DPP10: variants seen among roughly 807,000 people sequenced by gnomAD.
DPP10 encodes dipeptidyl peptidase like 10.
DPP10 carries 33 observed loss-of-function variants against 120.9 expected under a neutral mutation model. That is an observed-to-expected ratio of 0.27 (90% CI 0.21 to 0.37). DPP10 has a LOEUF of 0.37. DPP10 is among the 10% of genes least tolerant of loss of function. The pLI is 1.00. For missense variants in DPP10, 816 were observed against 942.8 expected (o/e 0.87, Z 1.76); for synonymous variants, 337 against 326.1 (o/e 1.03, Z -0.36).
intron 1 of DPP10, among the ~76,000 whole-genome samples, chr2:114,497,509 T>G (rs1682782702): frequency 6.6e-6 from 1 of 150,658 alleles, no homozygotes; most frequent in Non-Finnish European, 1.5e-5. Context: ...ACTAGAATGA[T>G]GAGTATGATT....
At chr2:115,154,186 G>T (rs932782073) in intron 1 of DPP10, among the ~76,000 whole-genome samples, 1 of 152,014 alleles carries the variant, frequency 6.6e-6, no homozygotes, top group Non-Finnish European at 1.5e-5. Context: ...TCAGCATTTT[G>T]CCCATTATAG....
chr2:115,263,570 A>G (rs906621514), intron 1 of DPP10, among the ~76,000 whole-genome samples: 3 of 151,704 alleles, frequency 2.0e-5, no homozygotes, highest in African/African-American at 4.8e-5. Flanking sequence ...ATGGTCCTCT[A>G]TAGAATATGT....
At chr2:115,830,588 T>C (rs1688819860) in intron 21 of DPP10, among the ~76,000 whole-genome samples, 1 of 152,154 alleles carries the variant, frequency 6.6e-6, no homozygotes, top group South Asian at 2.1e-4. Flanking sequence ...TTTAGTTCAG[T>C]AAGGAGAGCT....
intron 1 of DPP10, among the ~76,000 whole-genome samples, chr2:114,945,873 A>G (rs1052259458): frequency 6.6e-6 from 1 of 152,124 alleles, no homozygotes; most frequent in Non-Finnish European, 1.5e-5. Context: ...GAAACCTCAT[A>G]AACATTAACT....
chr2:114,614,165 C>G (rs1470492172), intron 1 of DPP10, among the ~76,000 whole-genome samples: 1 of 152,126 alleles, frequency 6.6e-6, no homozygotes, highest in Non-Finnish European at 1.5e-5. Context: ...CTTTGCCTCC[C>G]TAACACAATT....
chr2:115,633,512 A>G (rs989578188), intron 5 of DPP10, among the ~76,000 whole-genome samples: 18 of 152,116 alleles, frequency 1.2e-4, no homozygotes, highest in African/African-American at 4.1e-4. Flanking sequence ...GCACACCAAC[A>G]TGGCACATGT....
intron 1 of DPP10, among the ~76,000 whole-genome samples, chr2:114,700,866 A>G (rs1217252667): frequency 6.6e-6 from 1 of 152,072 alleles, no homozygotes; most frequent in Non-Finnish European, 1.5e-5. Flanking sequence ...ATTTACACAC[A>G]GGATTTGTGC....
intron 1 of DPP10, among the ~76,000 whole-genome samples, chr2:115,222,335 T>C (rs1029495276): frequency 6.6e-6 from 1 of 152,162 alleles, no homozygotes; most frequent in Non-Finnish European, 1.5e-5. Context: ...GAATCATAAT[T>C]GATATGATTT....
intron 4 of DPP10, among the ~76,000 whole-genome samples, chr2:115,506,903 A>G (rs2076973247): frequency 6.6e-6 from 1 of 152,138 alleles, no homozygotes; most frequent in Non-Finnish European, 1.5e-5. Context: ...TGTTTTTAAC[A>G]TATTTTAAAT....
intron 3 of DPP10, among the ~76,000 whole-genome samples, chr2:115,369,619 A>G (rs2065281159): frequency 6.6e-6 from 1 of 152,068 alleles, no homozygotes; most frequent in Non-Finnish European, 1.5e-5. Context: ...TAAGACAAGA[A>G]GTATAACAGC....
At chr2:115,439,439 C>G (rs1358742292) in intron 3 of DPP10, among the ~76,000 whole-genome samples, 2 of 152,190 alleles carry the variant, frequency 1.3e-5, no homozygotes, top group Non-Finnish European at 2.9e-5. Context: ...CACCACTGAA[C>G]TGTACACTTA....
intron 1 of DPP10, among the ~76,000 whole-genome samples, chr2:115,083,790 T>C (rs900771685): frequency 2.0e-5 from 3 of 152,210 alleles, no homozygotes; most frequent in Admixed American, 6.5e-5. Flanking sequence ...AAGATTTTCA[T>C]GGTAGCATCC....
At chr2:115,279,172 A>G (rs7593414) in intron 1 of DPP10, among the ~76,000 whole-genome samples, 62,091 of 152,080 alleles carry the variant, frequency 0.41, 15,443 homozygotes, top group Non-Finnish European at 0.56. Context: ...TGGCTCATGG[A>G]CATCATTGAT....
At chr2:115,271,603 A>G (rs1257475699) in intron 1 of DPP10, among the ~76,000 whole-genome samples, 3 of 152,184 alleles carry the variant, frequency 2.0e-5, no homozygotes. Flanking sequence ...ATGTCTTTTG[A>G]AAATATTTAT....
At chr2:115,113,342 A>G (rs2049328616) in intron 1 of DPP10, among the ~76,000 whole-genome samples, 1 of 151,916 alleles carries the variant, frequency 6.6e-6, no homozygotes, top group African/African-American at 2.4e-5. Context: ...AAATGTTCCA[A>G]ATGGTTCTTT....
At chr2:115,829,965 A>G (rs1056652430) in intron 21 of DPP10, among the ~76,000 whole-genome samples, 2 of 152,104 alleles carry the variant, frequency 1.3e-5, no homozygotes, top group African/African-American at 2.4e-5. Flanking sequence ...CTCATTTAAT[A>G]TATAATAATT....
intron 1 of DPP10, among the ~76,000 whole-genome samples, chr2:114,684,840 T>A (rs116283226): frequency 6.6e-6 from 1 of 151,960 alleles, no homozygotes; most frequent in East Asian, 1.9e-4. Context: ...AGGTCTGAAT[T>A]CTGTTTTCAG....
chr2:114,809,316 C>T (rs1684992841), intron 1 of DPP10, among the ~76,000 whole-genome samples: 1 of 152,190 alleles, frequency 6.6e-6, no homozygotes, highest in African/African-American at 2.4e-5. Flanking sequence ...ACCCACCTGA[C>T]TGTCCTCATT....
chr2:115,799,708 G>C (rs1423023383), intron 19 of DPP10, among the ~76,000 whole-genome samples: 3 of 150,752 alleles, frequency 2.0e-5, no homozygotes, highest in East Asian at 4.0e-4. Context: ...CCTTGCGATA[G>C]TTTGCTGAGA....
Sources: gnomAD v4.1 joint callset for allele counts (sites outside exome capture counted in the v4.1 genomes callset) on GRCh38, gnomAD v4.1.1 for gene constraint, MANE v1.5 for transcripts, NCBI Gene and HGNC (gene_info 2026-07-23, HGNC 2026-07-21) for gene names.